CTNND2: variants seen among roughly 807,000 people sequenced by gnomAD.
CTNND2 encodes the protein catenin delta-2.
A neutral mutation model predicts 144.4 loss-of-function variants in CTNND2; 22 were observed. The observed-to-expected ratio is 0.15, with a 90% CI of 0.11 to 0.22. The LOEUF (loss-of-function observed/expected upper bound fraction) is 0.22. Among genes scored for constraint, CTNND2 ranks in the 10% least tolerant of loss-of-function variants. The pLI is 1.00. For missense variants in CTNND2, 1,353 were observed against 1,618.8 expected, an observed-to-expected ratio of 0.84 and a Z score of 2.82; for synonymous variants, 751 against 695.6, an observed-to-expected ratio of 1.08 and a Z score of -1.25.
intron 2 of CTNND2, among the ~76,000 whole-genome samples, chr5:11,647,034 G>A (rs980454749): frequency 6.6e-6 from 1 of 152,098 alleles, no homozygotes; most frequent in Non-Finnish European, 1.5e-5. Context: ...TCCCCTTCCA[G>A]CACTTTCAGT....
intron 2 of CTNND2, among the ~76,000 whole-genome samples, chr5:11,649,884 A>C (rs1782557715): frequency 6.6e-6 from 1 of 152,158 alleles, no homozygotes. Context: ...CATTATTATT[A>C]TTTTTATAAT....
rs576205808 is a variant in CTNND2 at position 11,168,831 on chromosome 5, A to AAG, written c.1976-9074_1976-9073dup. Among the ~76,000 whole-genome samples, 88 of 151,518 alleles carry AAG rather than the reference A, an allele frequency of 5.8e-4. 1 individual carries two copies. The East Asian group carries it at 0.013, about 22-fold the overall frequency. On this transcript the variant is annotated intron_variant, in intron 11 of 21. Coordinates refer to ENST00000304623, the MANE Select transcript of CTNND2 (RefSeq NM_001332.4). ...GAGGAAGAGGAGAGAGAGAAAGTGA[A>AAG]AGAGAGAGAGAGAGAGATTTAAAGA...
intron 1 of CTNND2, among the ~76,000 whole-genome samples, chr5:11,769,684 C>A (rs542920914): frequency 6.6e-6 from 1 of 152,212 alleles, no homozygotes; most frequent in East Asian, 1.9e-4. Flanking sequence ...ACTAAGTGGA[C>A]AGTACATATA....
chr5:11,330,782 CA>C lies in CTNND2; in HGVS notation c.1628+15589del, dbSNP rs70949317. On this transcript the variant is annotated intron_variant, in intron 9 of 21. Transcript: ENST00000304623. The stretch of plus-strand genomic sequence containing the variant: ...TGGGCAACAGAGCAAAACTCTGTAT[CA>C]AAAAAAAAAAAAAAAAATAGAAAGA... Among the ~76,000 whole-genome samples the C allele has an allele frequency of 4.9e-3, 686 of 139,520 alleles. 1 individual carries two copies. Among genetic ancestry groups the C allele is most frequent in the East Asian group, 0.027 (129 of 4,794 alleles). 91.5% of individuals were successfully genotyped at this position (139,520 alleles called of 152,430 possible).
At chr5:11,834,393 T>C (rs753361735) in intron 1 of CTNND2, among the ~76,000 whole-genome samples, 3 of 152,142 alleles carry the variant, frequency 2.0e-5, no homozygotes, top group Non-Finnish European at 2.9e-5. Flanking sequence ...AAACAAGTAA[T>C]TGAACAATGT....
At chr5:11,252,473 G>A (rs962585348) in intron 9 of CTNND2, among the ~76,000 whole-genome samples, 2 of 152,090 alleles carry the variant, frequency 1.3e-5, no homozygotes, top group African/African-American at 4.8e-5. Context: ...AATAAGCACT[G>A]GCATAAGTTC....
intron 2 of CTNND2, among the ~76,000 whole-genome samples, chr5:11,723,432 G>A (rs73043453): frequency 0.055 from 8,294 of 152,092 alleles, 696 homozygotes; most frequent in African/African-American, 0.18. Context: ...ATTCTGAAGC[G>A]ATATGCAGGC....
chr5:11,045,610 TG>T, intron 16 of CTNND2, among the ~76,000 whole-genome samples: 2 of 152,246 alleles, frequency 1.3e-5, no homozygotes, highest in East Asian at 3.9e-4. Context: ...CACCCTCACA[TG>T]GCCTTCTCCT....
intron 1 of CTNND2, among the ~76,000 whole-genome samples, chr5:11,848,780 C>A (rs914562621): frequency 3.3e-5 from 5 of 152,070 alleles, no homozygotes; most frequent in African/African-American, 1.2e-4. Flanking sequence ...CAAATCCTGA[C>A]CCAAACCTCC....
intron 16 of CTNND2, among the ~76,000 whole-genome samples, chr5:11,048,798 A>G (rs1458883117): frequency 6.6e-6 from 1 of 152,234 alleles, no homozygotes; most frequent in Non-Finnish European, 1.5e-5. Flanking sequence ...CTTTTGGAGA[A>G]AGACAGAATT....
At chr5:11,470,829 T>C (rs1309060184) in intron 3 of CTNND2, among the ~76,000 whole-genome samples, 4 of 151,590 alleles carry the variant, frequency 2.6e-5, no homozygotes, top group African/African-American at 7.3e-5. Context: ...ACTGGGATGA[T>C]AGGATTTGGA....
intron 9 of CTNND2, among the ~76,000 whole-genome samples, chr5:11,302,328 G>T (rs1749697285): frequency 6.6e-6 from 1 of 152,038 alleles, no homozygotes; most frequent in African/African-American, 2.4e-5. Context: ...GGAATCAGAG[G>T]GGATGTTCCT....
At chr5:11,662,399 T>C (rs1165593821) in intron 2 of CTNND2, among the ~76,000 whole-genome samples, 1 of 151,098 alleles carries the variant, frequency 6.6e-6, no homozygotes, top group East Asian at 2.0e-4. Flanking sequence ...CCAGTCTGAG[T>C]CCCAAAGCTG....
At chr5:11,755,339 G>C (rs1788871111) in intron 1 of CTNND2, among the ~76,000 whole-genome samples, 1 of 151,708 alleles carries the variant, frequency 6.6e-6, no homozygotes, top group Non-Finnish European at 1.5e-5. Flanking sequence ...TCCCTTTGTG[G>C]ATGACCTGTA....
rs143483880 is a variant in CTNND2, at chr5:11,799,135, T to C, written c.38-66863A>G. 5.9e-5 allele frequency among the ~76,000 whole-genome samples: 9 copies of C among 152,326 alleles called. No individual in the cohort carries two copies. The East Asian group carries it at 9.6e-4, about 16-fold the overall frequency. On this transcript the variant is annotated intron_variant, in intron 1 of 21. Transcript: ENST00000304623. ...TAAAGATTTGTAAAAATCTTTAGTA[T>C]ACTAGCATTTATATTTAGGTCTTAA... is the stretch of plus-strand genomic sequence containing the variant.
At chr5:11,327,065 T>G (rs1181251932) in intron 9 of CTNND2, among the ~76,000 whole-genome samples, 9 of 152,156 alleles carry the variant, frequency 5.9e-5, no homozygotes, top group Admixed American at 5.9e-4. Context: ...CCACACAGCA[T>G]GAAGTGCCTA....
rs556766375 is a variant in CTNND2, at chr5:11,227,535, G to A, written c.1761+9156C>T. Among the ~76,000 whole-genome samples the A allele has an allele frequency of 8.3e-4, 127 of 152,302 alleles. 1 individual carries two copies. The highest frequency in any genetic ancestry group is 2.9e-3 in the African/African-American group (119 of 41,558). On this transcript the variant is annotated intron_variant, in intron 10 of 21. Transcript: ENST00000304623. ...GAGAAGAAATGATTCAAAGGTAGTTGACTGAAAAGATGAATAGCACATTCC... is the reference window on the plus strand; with the variant it reads ...GAGAAGAAATGATTCAAAGGTAGTTAACTGAAAAGATGAATAGCACATTCC...
At chr5:11,591,571 C>A (rs1779243092) in intron 2 of CTNND2, among the ~76,000 whole-genome samples, 1 of 148,750 alleles carries the variant, frequency 6.7e-6, no homozygotes, top group African/African-American at 2.5e-5. Context: ...TTTGAATAAT[C>A]TTTGCCAGCT....
At chr5:11,271,680 C>T (rs914705708) in intron 9 of CTNND2, among the ~76,000 whole-genome samples, 5 of 152,152 alleles carry the variant, frequency 3.3e-5, no homozygotes, top group Non-Finnish European at 7.3e-5. Context: ...AGATGATACG[C>T]TGCAAAGGAT....
Sources: allele counts gnomAD v4.1 joint callset (sites outside exome capture counted in the v4.1 genomes callset), GRCh38; gene constraint gnomAD v4.1.1; transcripts MANE v1.5; gene names NCBI Gene and HGNC (gene_info 2026-07-23, HGNC 2026-07-21).